The following DLG2 variants were observed in gnomAD, a reference collection of about 807,000 sequenced individuals.
DLG2 encodes the protein disks large homolog 2.
Under a neutral mutation model 132.5 loss-of-function variants are expected in DLG2, and 45 were observed. The ratio of observed to expected loss-of-function variants is 0.34; its 90% confidence interval spans 0.27 to 0.44. DLG2 has a LOEUF of 0.44. Ranked by LOEUF, DLG2 falls within the 20% of genes least tolerant of loss-of-function variation. The pLI is 1.00. For synonymous variants in DLG2, 424 were observed against 419.6 expected, an observed-to-expected ratio of 1.01 and a Z score of -0.13; for missense variants, 1,045 against 1,196.9, an observed-to-expected ratio of 0.87 and a Z score of 1.87.
intron 9 of DLG2, among the ~76,000 whole-genome samples, chr11:84,124,658 A>C (rs1165803734): frequency 6.6e-6 from 1 of 152,102 alleles, no homozygotes; most frequent in Non-Finnish European, 1.5e-5. Context: ...CATGTCAAAG[A>C]GGTCCTAGAC....
chr11:84,706,728 G>A (rs993637401), intron 6 of DLG2, among the ~76,000 whole-genome samples: 10 of 151,600 alleles, frequency 6.6e-5, no homozygotes, highest in African/African-American at 1.9e-4. Context: ...AGGAAGGAAG[G>A]GAGGGAGGGA....
intron 18 of DLG2, among the ~76,000 whole-genome samples, chr11:83,702,876 A>T (rs534394512): frequency 9.2e-5 from 14 of 152,260 alleles, no homozygotes; most frequent in Non-Finnish European, 1.9e-4. Context: ...TCTGCAGTCC[A>T]TACAAATTTT....
intron 5 of DLG2, among the ~76,000 whole-genome samples, chr11:85,121,275 G>A (rs1459673458): frequency 6.6e-6 from 1 of 151,602 alleles, no homozygotes; most frequent in Non-Finnish European, 1.5e-5. Flanking sequence ...GATAATTTAG[G>A]AGAATAACAT....
intron 11 of DLG2, among the ~76,000 whole-genome samples, chr11:84,025,527 T>C (rs1566091029): frequency 1.3e-5 from 2 of 152,264 alleles, no homozygotes; most frequent in South Asian, 2.1e-4. Flanking sequence ...TTTGAATATA[T>C]AGAAATACTC....
intron 11 of DLG2, among the ~76,000 whole-genome samples, chr11:84,024,728 T>A (rs1221846224): frequency 6.6e-6 from 1 of 152,030 alleles, no homozygotes; most frequent in African/African-American, 2.4e-5. Flanking sequence ...GAGAGTAGAA[T>A]GGTGGTTACA....
At chr11:84,449,134 A>G (rs1290289001) in intron 7 of DLG2, among the ~76,000 whole-genome samples, 5 of 152,122 alleles carry the variant, frequency 3.3e-5, no homozygotes, top group Admixed American at 2.0e-4. Context: ...TTATTGATAC[A>G]TGGACCTATA....
intron 10 of DLG2, among the ~76,000 whole-genome samples, chr11:84,076,457 A>G (rs1364431475): frequency 2.0e-5 from 3 of 152,190 alleles, no homozygotes; most frequent in Non-Finnish European, 4.4e-5. Context: ...CCACGCGATT[A>G]TTGCTACATT....
chr11:85,356,390 G>A (rs527302366), intron 3 of DLG2, among the ~76,000 whole-genome samples: 9 of 152,092 alleles, frequency 5.9e-5, no homozygotes, highest in African/African-American at 1.7e-4. Flanking sequence ...ATAATGATGA[G>A]GAAAGGGAGT....
chr11:85,553,398 C>T (rs1285265631), intron 3 of DLG2, among the ~76,000 whole-genome samples: 1 of 149,998 alleles, frequency 6.7e-6, no homozygotes, highest in African/African-American at 2.4e-5. Flanking sequence ...AAATAATAGA[C>T]ATAAAAATAG....
intron 6 of DLG2, among the ~76,000 whole-genome samples, chr11:84,574,419 T>G (rs887049173): frequency 8.5e-5 from 13 of 152,180 alleles, no homozygotes; most frequent in African/African-American, 3.1e-4. Context: ...ATGTCAATGT[T>G]TACCTGTTTA....
At chr11:85,505,526 G>A (rs765970192) in intron 3 of DLG2, among the ~76,000 whole-genome samples, 14 of 152,164 alleles carry the variant, frequency 9.2e-5, no homozygotes, top group African/African-American at 1.7e-4. Context: ...TACATTTATT[G>A]ATTTGCGTAT....
At chr11:84,337,184 A>G (rs2098489508) in intron 7 of DLG2, among the ~76,000 whole-genome samples, 1 of 152,184 alleles carries the variant, frequency 6.6e-6, no homozygotes. Context: ...TAGATGCAGT[A>G]TCTACCCCAT....
At chr11:83,728,233 G>T (rs2090377098) in intron 18 of DLG2, among the ~76,000 whole-genome samples, 1 of 152,112 alleles carries the variant, frequency 6.6e-6, no homozygotes, top group South Asian at 2.1e-4. Flanking sequence ...ATGCTCACCT[G>T]ATCTTGTCTC....
Position 85,258,802 on chromosome 11 carries a change from G to A in DLG2, c.186+26418C>T, listed in dbSNP as rs72948001. Among the ~76,000 whole-genome samples, 779 of 152,262 alleles carry A rather than the reference G, an allele frequency of 5.1e-3. 5 individuals carry two copies. Among genetic ancestry groups the A allele is most frequent in the Non-Finnish European group, 8.8e-3 (600 of 67,998 alleles). ...GATCAGAAAGAATCAGTGTAGGAGA[G>A]GGGAGGCTCAAGCTCTGCCCTCTCA... is the stretch of plus-strand genomic sequence containing the variant. On this transcript the variant is annotated intron_variant, in intron 4 of 27. Transcript: ENST00000376104.
chr11:84,403,214 A>T (rs536392002), intron 7 of DLG2, among the ~76,000 whole-genome samples: 1 of 152,270 alleles, frequency 6.6e-6, no homozygotes, highest in African/African-American at 2.4e-5. Flanking sequence ...TCACTCAAAA[A>T]CTGCTGTGGT....
chr11:84,537,427 C>T (rs1565230120), intron 6 of DLG2, among the ~76,000 whole-genome samples: 1 of 152,160 alleles, frequency 6.6e-6, no homozygotes, highest in Non-Finnish European at 1.5e-5. Context: ...TTGTTCTCAA[C>T]ATTCTCACTC....
At chr11:84,602,619 T>C (rs544176571) in intron 6 of DLG2, among the ~76,000 whole-genome samples, 1 of 152,122 alleles carries the variant, frequency 6.6e-6, no homozygotes, top group Non-Finnish European at 1.5e-5. Context: ...TTTCCTATTA[T>C]CACCAAAAAG....
Position 85,562,562 on chromosome 11 carries a change from G to C in DLG2, c.40+36095C>G, listed in dbSNP as rs114995412. Among the ~76,000 whole-genome samples, 805 of 151,896 alleles carry C rather than the reference G, an allele frequency of 5.3e-3. 12 individuals carry two copies. The highest frequency in any genetic ancestry group is 0.018 in the African/African-American group (749 of 41,506). ...CCCCAAAGCACACAGTTAATAAGTG[G>C]CAAAGCCAGGATCTAATCCAGAAGC... On this transcript the variant is annotated intron_variant, in intron 3 of 27. Transcript: ENST00000376104.
At chr11:85,266,611 A>T (rs547225683) in intron 4 of DLG2, among the ~76,000 whole-genome samples, 2 of 130,722 alleles carry the variant, frequency 1.5e-5, no homozygotes, top group South Asian at 2.4e-4. Context: ...AGTATAATTT[A>T]AAAAAAAAGA....
Sources: gnomAD v4.1 joint callset for allele counts (sites outside exome capture counted in the v4.1 genomes callset) on GRCh38, gnomAD v4.1.1 for gene constraint, MANE v1.5 for transcripts, NCBI Gene and HGNC (gene_info 2026-07-23, HGNC 2026-07-21) for gene names.